TTC17: variants seen among roughly 807,000 people sequenced by gnomAD.
TTC17 encodes the protein tetratricopeptide repeat protein 17.
TTC17 carries 58 observed loss-of-function variants against 143.8 expected under a neutral mutation model. That is an observed-to-expected ratio of 0.40 (90% CI 0.33 to 0.50). The LOEUF is 0.50. Among genes scored for constraint, TTC17 ranks in the 20% least tolerant of loss-of-function variants. The pLI is 0.49. For missense variants in TTC17, 1,273 were observed against 1,392.5 expected (o/e 0.91, Z 1.37); for synonymous variants, 501 against 497.8 (o/e 1.01, Z -0.09).
intron 15 of TTC17, among the ~76,000 whole-genome samples, chr11:43,413,680 G>A (rs1946709721): frequency 6.7e-6 from 1 of 150,366 alleles, no homozygotes. Flanking sequence ...CAGAAATGAG[G>A]ATATCCAAAT....
At chr11:43,405,248 C>T (rs952840275) in intron 11 of TTC17, among the ~76,000 whole-genome samples, 1 of 151,920 alleles carries the variant, frequency 6.6e-6, no homozygotes, top group African/African-American at 2.4e-5. Flanking sequence ...CTTCTCTTTC[C>T]GAAAAGCCCC....
chr11:43,404,578 A>C (rs1023736196), intron 11 of TTC17, among the ~76,000 whole-genome samples: 1 of 152,226 alleles, frequency 6.6e-6, no homozygotes, highest in Admixed American at 6.5e-5. Context: ...GATACAGACA[A>C]TAAACAAGTT....
At chr11:43,452,549 C>T (rs1187420006) in intron 21 of TTC17, among the ~76,000 whole-genome samples, 1 of 151,512 alleles carries the variant, frequency 6.6e-6, no homozygotes, top group Non-Finnish European at 1.5e-5. Flanking sequence ...GAATGAAAAC[C>T]ATAGGAAAAA....
At chr11:43,489,630 C>G (rs1020586091) in intron 21 of TTC17, among the ~76,000 whole-genome samples, 4 of 151,518 alleles carry the variant, frequency 2.6e-5, no homozygotes, top group African/African-American at 9.7e-5. Flanking sequence ...CCCAGCTACT[C>G]GGGAGGCTGA....
In TTC17 at chr11:43,414,741, C is replaced by A. The variant is rs748678519; in HGVS notation, c.2216C>A (p.Pro739His). Residue 739 changes from proline to histidine, a missense_variant, in exon 16 of 24, where the codon CCT becomes CAT. Transcript: ENST00000039989. ...LKLIRCMQFY[P>H]FLYNITSSVC... ...TTGATCCGCTGTATGCAGTTTTATC[C>A]TTTTCTGTACAACATCACTTCTTCT... 6.8e-6 allele frequency: 11 copies of A among 1,613,424 alleles called. No homozygotes were observed. Among genetic ancestry groups the A allele is most frequent in the Middle Eastern group, 3.3e-4 (2 of 6,056 alleles).
chr11:43,368,087 G>A (rs2862932), intron 1 of TTC17, among the ~76,000 whole-genome samples: 8,964 of 152,150 alleles, frequency 0.059, 290 homozygotes, highest in African/African-American at 0.095. Context: ...GAGCCAACAC[G>A]TATTCCTGGT....
chr11:43,426,621 G>A (rs1947034410), intron 16 of TTC17, among the ~76,000 whole-genome samples: 1 of 152,122 alleles, frequency 6.6e-6, no homozygotes, highest in Non-Finnish European at 1.5e-5. Flanking sequence ...TATCATACTT[G>A]CTACCTCTAC....
intron 5 of TTC17, among the ~76,000 whole-genome samples, chr11:43,392,591 CT>C (rs1372136117): frequency 2.6e-5 from 4 of 152,054 alleles, no homozygotes; most frequent in Non-Finnish European, 5.9e-5. Flanking sequence ...AAATACATAG[CT>C]TTGTATATTG....
chr11:43,455,164 G>A (rs1347885509), intron 21 of TTC17, among the ~76,000 whole-genome samples: 2 of 151,566 alleles, frequency 1.3e-5, no homozygotes, highest in Admixed American at 6.6e-5. Flanking sequence ...AAACAGCTGA[G>A]TCAAAGAGAA....
intron 2 of TTC17, among the ~76,000 whole-genome samples, chr11:43,382,556 GA>G (rs763776012): frequency 3.3e-5 from 5 of 152,116 alleles, no homozygotes; most frequent in Non-Finnish European, 7.4e-5. Context: ...AAAACTTAAG[GA>G]TGTTGCTTGC....
At chr11:43,444,722 TACACACACACACACACACAC>T (rs10638143) in intron 18 of TTC17, among the ~76,000 whole-genome samples, 1 of 143,554 alleles carries the variant, frequency 7.0e-6, no homozygotes, top group Admixed American at 7.0e-5. Flanking sequence ...ACCAAATACA[TACACACACACACACACACAC>T]ACACACACAC....
At chr11:43,416,695 C>A (rs1946787523) in intron 16 of TTC17, among the ~76,000 whole-genome samples, 1 of 152,036 alleles carries the variant, frequency 6.6e-6, no homozygotes, top group African/African-American at 2.4e-5. Flanking sequence ...AATAATAGTT[C>A]TTTCAGAGGG....
chr11:43,440,814 C>G (rs1192235789), intron 16 of TTC17, among the ~76,000 whole-genome samples: 1 of 152,176 alleles, frequency 6.6e-6, no homozygotes, highest in Non-Finnish European at 1.5e-5. Flanking sequence ...TGTAACATCA[C>G]CTACCTTTTC....
chr11:43,385,838 T>C (rs1857150509), intron 2 of TTC17, among the ~76,000 whole-genome samples: 1 of 149,782 alleles, frequency 6.7e-6, no homozygotes, highest in Non-Finnish European at 1.5e-5. Context: ...ATAAATAACA[T>C]AAGAAATTAA....
chr11:43,425,077 A>G (rs182416302), intron 16 of TTC17, among the ~76,000 whole-genome samples: 11 of 152,184 alleles, frequency 7.2e-5, no homozygotes, highest in Admixed American at 5.2e-4. Flanking sequence ...ATCATTCTAG[A>G]TGTTTTGGAG....
chr11:43,446,120 C>T (rs1712999884), intron 18 of TTC17: 1 of 1,415,810 alleles, frequency 7.1e-7, no homozygotes, highest in Non-Finnish European at 9.2e-7. Flanking sequence ...TTACAGCCCG[C>T]CTCTGTGTAC....
At chr11:43,425,038 C>T (rs1322128419) in intron 16 of TTC17, among the ~76,000 whole-genome samples, 1 of 152,148 alleles carries the variant, frequency 6.6e-6, no homozygotes, top group Non-Finnish European at 1.5e-5. Flanking sequence ...AAGTTCATTG[C>T]ATGTTGTCTA....
At chr11:43,457,139 CTG>C (rs1251000916) in intron 21 of TTC17, among the ~76,000 whole-genome samples, 1 of 152,034 alleles carries the variant, frequency 6.6e-6, no homozygotes, top group Non-Finnish European at 1.5e-5. Context: ...TTGTGGCACT[CTG>C]GGGATTCTGA....
At chr11:43,429,664 T>G (rs1219272354) in intron 16 of TTC17, among the ~76,000 whole-genome samples, 1 of 152,170 alleles carries the variant, frequency 6.6e-6, no homozygotes, top group Non-Finnish European at 1.5e-5. Flanking sequence ...AAGGAAACAG[T>G]CACCATGTGT....
Sources: allele counts gnomAD v4.1 joint callset (sites outside exome capture counted in the v4.1 genomes callset), GRCh38; gene constraint gnomAD v4.1.1; transcripts MANE v1.5; gene names NCBI Gene and HGNC (gene_info 2026-07-23, HGNC 2026-07-21).